Variants in OSBPL8 observed in about 807,000 individuals in gnomAD.
OSBPL8 encodes oxysterol binding protein like 8, also known as oxysterol-binding protein-related protein 8.
In OSBPL8, 59 loss-of-function variants were observed where a neutral mutation model predicts 125.5. That is an observed-to-expected ratio of 0.47 (90% CI 0.38 to 0.58). OSBPL8 has a LOEUF of 0.58. Ranked by LOEUF, OSBPL8 falls within the 20% of genes least tolerant of loss-of-function variation. OSBPL8 has a pLI of 0.00. For synonymous variants in OSBPL8, 330 were observed against 338.9 expected (o/e 0.97, Z 0.29); for missense variants, 758 against 1,047.8 (o/e 0.72, Z 3.82).
chr12:76,489,403 A>AG (rs1878482801), intron 1 of OSBPL8, among the ~76,000 whole-genome samples: 1 of 152,174 alleles, frequency 6.6e-6, no homozygotes, highest in African/African-American at 2.4e-5. Context: ...CAAAGGACAA[A>AG]CTGACTCTCT....
intron 4 of OSBPL8, among the ~76,000 whole-genome samples, chr12:76,449,529 G>A (rs1873124274): frequency 6.6e-6 from 1 of 152,174 alleles, no homozygotes; most frequent in African/African-American, 2.4e-5. Context: ...CAAGGCAGAG[G>A]CACCAAACTG....
chr12:76,383,121 G>T (rs1345119219), intron 15 of OSBPL8, among the ~76,000 whole-genome samples: 1 of 151,914 alleles, frequency 6.6e-6, no homozygotes, highest in Non-Finnish European at 1.5e-5. Context: ...AATTATAAAG[G>T]AACAGATAGC....
chr12:76,437,870 T>G (rs1871665585), intron 4 of OSBPL8, among the ~76,000 whole-genome samples: 1 of 152,226 alleles, frequency 6.6e-6, no homozygotes, highest in South Asian at 2.1e-4. Context: ...GATTTACTGT[T>G]GTGTATCTTA....
chr12:76,447,389 G>T (rs966796934), intron 4 of OSBPL8, among the ~76,000 whole-genome samples: 2 of 152,124 alleles, frequency 1.3e-5, no homozygotes, highest in East Asian at 3.8e-4. Context: ...AAGTATTCTT[G>T]CCAAAAATGC....
At chr12:76,508,960 T>A (rs990324865) in intron 1 of OSBPL8, among the ~76,000 whole-genome samples, 2 of 152,188 alleles carry the variant, frequency 1.3e-5, no homozygotes, top group African/African-American at 4.8e-5. Flanking sequence ...GGAGTAGACA[T>A]TCTTTATTCC....
In OSBPL8 at chr12:76,373,442, C is replaced by T. The variant is rs546071022; in HGVS notation, c.1828-9G>A. 208 of 1,556,232 alleles carry T rather than the reference C, an allele frequency of 1.3e-4. 3 individuals are homozygous for T. The South Asian group carries it at 1.9e-3, about 14-fold the overall frequency. On this transcript the variant is annotated splice_polypyrimidine_tract_variant and intron_variant, in intron 17 of 23. Transcript: ENST00000261183. Reference sequence around the variant, plus strand: ...CTACTCCCTAGGAATGGCTTTTAAACGAGAAAATGTTAAACATTTTACTTT... The same window carrying T: ...CTACTCCCTAGGAATGGCTTTTAAATGAGAAAATGTTAAACATTTTACTTT...
chr12:76,401,651 A>G (rs1016342502), intron 6 of OSBPL8, among the ~76,000 whole-genome samples: 1 of 152,182 alleles, frequency 6.6e-6, no homozygotes, highest in Non-Finnish European at 1.5e-5. Flanking sequence ...TACTGCTTCT[A>G]TAATATTTAT....
Position 76,388,285 on chromosome 12 carries a change from G to A in OSBPL8, c.1352+1360C>T, listed in dbSNP as rs181875369. On this transcript the variant is annotated intron_variant, in intron 12 of 23. Coordinates refer to ENST00000261183, the MANE Select transcript of OSBPL8 (RefSeq NM_020841.5). The stretch of plus-strand genomic sequence containing the variant: ...AGTTATTCCGAGAAGTGAGATTAGT[G>A]GATCAAATGATGAATGCATCTATAC... Among the ~76,000 whole-genome samples, 69 of 152,306 alleles carry A rather than the reference G, an allele frequency of 4.5e-4. 1 individual carries two copies. Among genetic ancestry groups the A allele is most frequent in the African/African-American group, 1.6e-3 (68 of 41,576 alleles).
intron 1 of OSBPL8, among the ~76,000 whole-genome samples, chr12:76,536,726 G>A (rs1055890078): frequency 5.9e-5 from 9 of 151,484 alleles, no homozygotes; most frequent in Admixed American, 5.9e-4. Context: ...ATGGTAATGT[G>A]CAGAAGAACG....
In OSBPL8 at chr12:76,553,714, G is replaced by A. The variant is rs188973811; in HGVS notation, c.-68+5683C>T. Among the ~76,000 whole-genome samples, 475 of 150,088 alleles carry A rather than the reference G, an allele frequency of 3.2e-3. 2 individuals are homozygous for A. Among genetic ancestry groups the A allele is most frequent in the Non-Finnish European group, 3.7e-3 (252 of 67,650 alleles). ...AAAAAGGCCAGAGGAGGTAGCTCAC[G>A]CCTGTAATCTCAACACTTTGGGAGG... On this transcript the variant is annotated intron_variant, in intron 1 of 23. Coordinates refer to ENST00000261183, the MANE Select transcript of OSBPL8 (RefSeq NM_020841.5).
In OSBPL8 at chr12:76,369,608, TTTGAAATAAA is replaced by T; in HGVS notation, c.2240+19_2240+28del. The T allele has an allele frequency of 2.5e-6, 4 of 1,591,880 alleles. No homozygotes were observed. Among genetic ancestry groups the T allele is most frequent in the Non-Finnish European group, 3.4e-6 (4 of 1,162,098 alleles). ...GGCAACAAACCATGCTAATACATTG[TTTGAAATAAA>T]CTATTTTAAGTTACTTACTCTGCAA... On this transcript the variant is annotated intron_variant, in intron 20 of 23. Coordinates refer to ENST00000261183, the MANE Select transcript of OSBPL8 (RefSeq NM_020841.5).
intron 13 of OSBPL8, 135 bp downstream of exon 13, chr12:76,386,444 G>C: frequency 7.8e-7 from 1 of 1,277,142 alleles, no homozygotes; most frequent in Non-Finnish European, 1.1e-6. Flanking sequence ...ATGTCTAAAT[G>C]ATCAGGTATT....
intron 1 of OSBPL8, among the ~76,000 whole-genome samples, chr12:76,556,801 T>C (rs1034929031): frequency 6.6e-6 from 1 of 152,124 alleles, no homozygotes. Flanking sequence ...GTAGCTGGGA[T>C]TACAGGCACA....
At chr12:76,453,829 T>TAA (rs1049830786) in intron 3 of OSBPL8, among the ~76,000 whole-genome samples, 1 of 151,042 alleles carries the variant, frequency 6.6e-6, no homozygotes, top group African/African-American at 2.4e-5. Flanking sequence ...AGAATGTTCT[T>TAA]AAAAAAAAAC....
intron 2 of OSBPL8, among the ~76,000 whole-genome samples, chr12:76,468,681 T>C (rs1875752749): frequency 6.6e-6 from 1 of 152,246 alleles, no homozygotes; most frequent in Non-Finnish European, 1.5e-5. Context: ...GACTTTCTAA[T>C]GTGAATTCTT....
At chr12:76,502,018 C>G (rs1879953133) in intron 1 of OSBPL8, among the ~76,000 whole-genome samples, 1 of 152,160 alleles carries the variant, frequency 6.6e-6, no homozygotes, top group Non-Finnish European at 1.5e-5. Context: ...AATCCATGCT[C>G]AGGGAATCCA....
chr12:76,371,906 GC>G (rs1168744319), intron 18 of OSBPL8: 2 of 171,154 alleles, frequency 1.2e-5, no homozygotes, highest in African/African-American at 4.8e-5. Flanking sequence ...TCCAAGTAGA[GC>G]ATAGTATTTG....
intron 2 of OSBPL8, among the ~76,000 whole-genome samples, chr12:76,462,179 T>C (rs761542046): frequency 6.6e-6 from 1 of 152,230 alleles, no homozygotes; most frequent in Non-Finnish European, 1.5e-5. Context: ...ATTTAAAGAT[T>C]AATAAGCTCA....
chr12:76,422,303 C>T (rs1387069782), intron 4 of OSBPL8, among the ~76,000 whole-genome samples: 2 of 152,108 alleles, frequency 1.3e-5, no homozygotes, highest in African/African-American at 2.4e-5. Context: ...TCCTACTTTA[C>T]TGAATCATTA....
Sources: allele counts gnomAD v4.1 joint callset (sites outside exome capture counted in the v4.1 genomes callset), GRCh38; gene constraint gnomAD v4.1.1; transcripts MANE v1.5; gene names NCBI Gene and HGNC (gene_info 2026-07-23, HGNC 2026-07-21).